Variants in TBC1D1 observed in about 807,000 individuals in gnomAD.
TBC1D1 encodes TBC1 domain family member 1, also known as TBC1 (tre-2/USP6, BUB2, cdc16) domain family, member 1.
TBC1D1 carries 89 observed loss-of-function variants against 125.6 expected under a neutral mutation model. That is an observed-to-expected ratio of 0.71 (90% CI 0.60 to 0.85). The LOEUF is 0.85. Ranked by LOEUF, TBC1D1 falls within the 40% of genes least tolerant of loss-of-function variation. The probability of loss-of-function intolerance (pLI) is 0.00; values close to 1 mark genes in which losing one functional copy is unlikely to be tolerated. For synonymous variants in TBC1D1, 565 were observed against 564.1 expected, an observed-to-expected ratio of 1.00 and a Z score of -0.02; for missense variants, 1,377 against 1,469.2, an observed-to-expected ratio of 0.94 and a Z score of 1.03.
chr4:38,073,672 A>G (rs1374480039), intron 12 of TBC1D1, among the ~76,000 whole-genome samples: 1 of 151,796 alleles, frequency 6.6e-6, no homozygotes, highest in Non-Finnish European at 1.5e-5. Flanking sequence ...TGTGTGTCCC[A>G]TTTGTGCCTT....
chr4:38,063,060 T>C (rs368673317), intron 12 of TBC1D1, among the ~76,000 whole-genome samples: 98 of 152,288 alleles, frequency 6.4e-4, no homozygotes, highest in African/African-American at 1.9e-3. Context: ...TGCAGGAGAA[T>C]GTCCAAAGTG....
chr4:37,986,516 G>A (rs1341801097), intron 2 of TBC1D1, among the ~76,000 whole-genome samples: 1 of 152,130 alleles, frequency 6.6e-6, no homozygotes, highest in East Asian at 1.9e-4. Context: ...CGCGATCTCG[G>A]CTCACTGCAA....
Position 38,137,200 on chromosome 4 carries a change from G to A in TBC1D1, c.3372G>A (p.Lys1124=), listed in dbSNP as rs748550180. Residue 1124 remains lysine (K), a synonymous_variant, in exon 20 of 20, where the codon AAG becomes AAA. Coordinates refer to ENST00000261439, the MANE Select transcript of TBC1D1 (RefSeq NM_015173.4). Reference sequence around the variant, plus strand: ...AGAAGCTCCTGAGCAGTGAGAGCAAGCTGAAGCAGGCCATGCTTACCTTAG... The same window carrying A: ...AGAAGCTCCTGAGCAGTGAGAGCAAACTGAAGCAGGCCATGCTTACCTTAG... The A allele has an allele frequency of 6.2e-7, 1 of 1,613,172 alleles. No individual in the cohort carries two copies. The highest frequency in any genetic ancestry group is 1.7e-5 in the Admixed American group (1 of 60,030).
intron 2 of TBC1D1, among the ~76,000 whole-genome samples, chr4:37,937,225 T>C (rs996532449): frequency 3.3e-5 from 5 of 152,142 alleles, no homozygotes. Context: ...GAATCCCTGA[T>C]TGTCTGAACC....
At chr4:38,032,002 C>A (rs573614438) in intron 7 of TBC1D1, among the ~76,000 whole-genome samples, 1 of 152,160 alleles carries the variant, frequency 6.6e-6, no homozygotes, top group Non-Finnish European at 1.5e-5. Context: ...TACAACTGTG[C>A]AGCCAGTGCC....
Position 37,902,441 on chromosome 4 carries a change from T to G in TBC1D1, c.346T>G (p.Cys116Gly). The G allele has an allele frequency of 6.2e-7, 1 of 1,614,190 alleles. No homozygotes were observed. The highest frequency in any genetic ancestry group is 1.1e-5 in the South Asian group (1 of 91,088). Residue 116 changes from cysteine to glycine, a missense_variant, in exon 2 of 20, where the codon TGT (cysteine) becomes GGT (glycine). This residue lies in a region of TBC1D1 where 822 missense variants were observed against 824.6 expected (regional missense o/e 1.00). Transcript: ENST00000261439. ...CAGTCATGACCCAAGTTACTTTGCT[T>G]GTCTGATTAAGGAAGACGCTGTCCA...
intron 12 of TBC1D1, among the ~76,000 whole-genome samples, chr4:38,088,283 T>A (rs1757879818): frequency 6.6e-6 from 1 of 152,126 alleles, no homozygotes; most frequent in South Asian, 2.1e-4. Flanking sequence ...GGTTTGGGGG[T>A]GAAAGGATTT....
intron 2 of TBC1D1, among the ~76,000 whole-genome samples, chr4:37,908,298 CG>C (rs1294863555): frequency 2.6e-5 from 4 of 152,018 alleles, no homozygotes; most frequent in Non-Finnish European, 4.4e-5. Flanking sequence ...CTCTGCCTAC[CG>C]GGTTCAAGAG....
At chr4:37,914,507 G>A (rs1719293854) in intron 2 of TBC1D1, among the ~76,000 whole-genome samples, 1 of 152,084 alleles carries the variant, frequency 6.6e-6, no homozygotes, top group African/African-American at 2.4e-5. Context: ...CAAGCCTGAG[G>A]CGCCATTATA....
rs1757092083 is a variant in TBC1D1 at position 38,084,220 on chromosome 4, C to CCG, written c.2051-5712_2051-5711insCG. Among the ~76,000 whole-genome samples the CCG allele has an allele frequency of 3.9e-5, 6 of 152,328 alleles. No individual in the cohort carries two copies. In the South Asian group the frequency reaches 1.2e-3, roughly 32 times the overall value. ...AAGTGCTGGGATTACAGGTGTGAGC[C>CCG]ACCATGCCCGGCCATGAATGTTGTC... On this transcript the variant is annotated intron_variant, in intron 12 of 19. Coordinates refer to ENST00000261439, the MANE Select transcript of TBC1D1 (RefSeq NM_015173.4).
At chr4:38,055,862 G>C (rs1421002810) in intron 12 of TBC1D1, among the ~76,000 whole-genome samples, 1 of 152,228 alleles carries the variant, frequency 6.6e-6, no homozygotes, top group Non-Finnish European at 1.5e-5. Flanking sequence ...AGAGCCACCA[G>C]AGGGAGGCCC....
chr4:38,003,267 A>C (rs922358522), intron 2 of TBC1D1, among the ~76,000 whole-genome samples: 1 of 152,058 alleles, frequency 6.6e-6, no homozygotes, highest in Non-Finnish European at 1.5e-5. Flanking sequence ...TGGTTTTCAC[A>C]CTCTGTTCCT....
intron 19 of TBC1D1, among the ~76,000 whole-genome samples, chr4:38,133,807 A>G (rs541311295): frequency 7.3e-4 from 111 of 152,344 alleles, no homozygotes; most frequent in Non-Finnish European, 1.4e-3. Flanking sequence ...GAGGACATAC[A>G]GAAGAAAGAC....
In TBC1D1 at chr4:37,996,259, C is replaced by T. The variant is rs538578519; in HGVS notation, c.418-18250C>T. 1.0e-4 allele frequency: 28 copies of T among 272,076 alleles called. No individual in the cohort carries two copies. In the East Asian group the frequency reaches 1.9e-3, roughly 18 times the overall value. The allele number at this position is 272,076 out of a possible 1,614,324, so 16.9% of individuals were successfully genotyped here. A position where few individuals can be genotyped will look rare whatever the true frequency, so the allele number is the denominator to read the frequency against. ...TTCTGGCCAGTCGCCCGGGCTTTCG[C>T]ATTCACAGCCTGACTGTTATAAATA... On this transcript the variant is annotated intron_variant, in intron 2 of 19. Transcript: ENST00000261439.
chr4:38,058,458 T>C (rs1474150591), intron 12 of TBC1D1, among the ~76,000 whole-genome samples: 1 of 152,230 alleles, frequency 6.6e-6, no homozygotes, highest in Non-Finnish European at 1.5e-5. Context: ...CCTGGGCGGC[T>C]GAGCCATGGG....
chr4:37,905,635 C>T (rs929126294), intron 2 of TBC1D1, among the ~76,000 whole-genome samples: 1 of 152,230 alleles, frequency 6.6e-6, no homozygotes, highest in Admixed American at 6.5e-5. Context: ...TCTCAAAACA[C>T]TCTCATGATA....
chr4:38,049,555 A>C, intron 10 of TBC1D1, 63 bp from the exon 11 acceptor site: 7 of 1,517,646 alleles, frequency 4.6e-6, no homozygotes, highest in South Asian at 1.3e-5. Flanking sequence ...TGCAGGAACT[A>C]GAGATTTATA....
At chr4:38,082,761 CTCT>C (rs918943643) in intron 12 of TBC1D1, among the ~76,000 whole-genome samples, 6 of 152,342 alleles carry the variant, frequency 3.9e-5, no homozygotes, top group Non-Finnish European at 8.8e-5. Flanking sequence ...TTCTCTGTGC[CTCT>C]TCCTGGTTCT....
At chr4:37,900,917 C>CA (rs1274509857) in intron 1 of TBC1D1, among the ~76,000 whole-genome samples, 5 of 151,748 alleles carry the variant, frequency 3.3e-5, no homozygotes, top group African/African-American at 1.2e-4. Context: ...ACTAAAAATA[C>CA]AAAAATTAGC....
Sources: allele counts gnomAD v4.1 joint callset (sites outside exome capture counted in the v4.1 genomes callset), GRCh38; gene constraint gnomAD v4.1.1; regional missense constraint gnomAD v4.1.1; transcripts MANE v1.5; gene names NCBI Gene and HGNC (gene_info 2026-07-23, HGNC 2026-07-21).